Variants in LRRC7 observed in about 807,000 individuals in gnomAD.
The protein encoded by LRRC7 is leucine-rich repeat-containing protein 7.
Under a neutral mutation model 175.7 loss-of-function variants are expected in LRRC7, and 23 were observed. The ratio of observed to expected loss-of-function variants is 0.13; its 90% CI spans 0.09 to 0.19. LRRC7 has a LOEUF of 0.19. LRRC7 is among the 10% of genes least tolerant of loss of function. The pLI is 1.00. For synonymous variants in LRRC7, 685 were observed against 680.9 expected (o/e 1.01, Z -0.09); for missense variants, 1,354 against 1,904.7 (o/e 0.71, Z 5.38).
intron 7 of LRRC7, among the ~76,000 whole-genome samples, chr1:69,871,476 C>T (rs1218741368): frequency 6.6e-6 from 1 of 151,994 alleles, no homozygotes; most frequent in African/African-American, 2.4e-5. Context: ...TAATTATATT[C>T]AGTTTGTGTT....
At chr1:69,825,461 A>T (rs1034300683) in intron 4 of LRRC7, among the ~76,000 whole-genome samples, 1 of 152,252 alleles carries the variant, frequency 6.6e-6, no homozygotes, top group East Asian at 1.9e-4. Context: ...ACCAAAGATC[A>T]AAGATTTATC....
chr1:69,635,946 G>A (rs1653287952), intron 1 of LRRC7, among the ~76,000 whole-genome samples: 1 of 151,942 alleles, frequency 6.6e-6, no homozygotes, highest in Non-Finnish European at 1.5e-5. Flanking sequence ...CCTAAATCAT[G>A]CAGATATTAG....
chr1:69,983,213 A>G (rs1234042724), intron 9 of LRRC7, among the ~76,000 whole-genome samples: 3 of 152,220 alleles, frequency 2.0e-5, no homozygotes, highest in African/African-American at 7.2e-5. Flanking sequence ...TGACTCATCC[A>G]AAGTACTCTG....
chr1:69,652,185 A>T (rs1655936388), intron 1 of LRRC7, among the ~76,000 whole-genome samples: 1 of 152,194 alleles, frequency 6.6e-6, no homozygotes, highest in Non-Finnish European at 1.5e-5. Flanking sequence ...AATAAAGGGC[A>T]TACAAATAAG....
At chr1:69,776,099 T>C (rs1672777950) in intron 3 of LRRC7, among the ~76,000 whole-genome samples, 1 of 152,124 alleles carries the variant, frequency 6.6e-6, no homozygotes, top group Non-Finnish European at 1.5e-5. Flanking sequence ...TAAGTTTGAA[T>C]CCCAGCTTGG....
intron 4 of LRRC7, among the ~76,000 whole-genome samples, chr1:69,815,363 T>C (rs1513296): frequency 0.39 from 59,539 of 152,066 alleles, 13,091 homozygotes; most frequent in East Asian, 0.54. Context: ...GACAGCTTAT[T>C]TTCAGCTCAG....
At chr1:69,602,695 A>C (rs1189499633) in intron 1 of LRRC7, among the ~76,000 whole-genome samples, 2 of 152,162 alleles carry the variant, frequency 1.3e-5, no homozygotes, top group African/African-American at 4.8e-5. Context: ...TCCGAGAATC[A>C]ATCTGTTCCA....
intron 7 of LRRC7, among the ~76,000 whole-genome samples, chr1:69,923,505 C>A (rs927682160): frequency 3.9e-5 from 6 of 152,068 alleles, no homozygotes; most frequent in African/African-American, 1.4e-4. Context: ...TTAATGATTG[C>A]CATTCTAACT....
chr1:70,028,172 T>C lies in LRRC7; in HGVS notation c.1796T>C (p.Val599Ala). 6.2e-7 allele frequency: 1 copy of C among 1,611,096 alleles called. No homozygotes were observed. The highest frequency in any genetic ancestry group is 8.5e-7 in the Non-Finnish European group (1 of 1,178,156). Residue 599 changes from valine (V) to alanine (A), a missense_variant and splice_region_variant, in exon 18 of 27, where the codon GTT becomes GCT. Physicochemically the swap from Val to Ala is moderately conservative, Grantham distance 64 (BLOSUM62 0). Coordinates refer to ENST00000651989, the MANE Select transcript of LRRC7 (RefSeq NM_001370785.2). ...AAATTTCTTTTTGTAAACTTCTAGG[T>C]TGAAATAAACCTAAAACGATATCCA... ...TTLPSLSGRQ[V>A]EINLKRYPTP... is the part of the protein sequence containing the mutation.
At chr1:69,570,169 C>T (rs1245719950) in intron 1 of LRRC7, among the ~76,000 whole-genome samples, 2 of 151,904 alleles carry the variant, frequency 1.3e-5, no homozygotes, top group South Asian at 2.1e-4. Context: ...ATAGCGTGGG[C>T]GAGAAGAGTG....
rs1382709300 is a variant in LRRC7 at position 69,707,060 on chromosome 1, G to T, written c.100+28582G>T. On this transcript the variant is annotated intron_variant, in intron 2 of 26. Transcript: ENST00000651989. ...CAAGTTTTAGAGTGTGGTAGGATGT[G>T]TCTTTAAGTTGAGCAATAAGGGAAT... Among the ~76,000 whole-genome samples the T allele has an allele frequency of 4.6e-5, 7 of 152,214 alleles. No individual in the cohort carries two copies. The South Asian group carries it at 1.5e-3, about 32-fold the overall frequency.
At chr1:70,119,520 T>TTA (rs1290535338) in intron 26 of LRRC7, among the ~76,000 whole-genome samples, 21 of 146,154 alleles carry the variant, frequency 1.4e-4, no homozygotes, top group Admixed American at 6.8e-4. Context: ...AGACATTCTT[T>TTA]AAAAAAAAAA....
Position 69,944,733 on chromosome 1 carries a change from T to C in LRRC7, c.711+13163T>C, listed in dbSNP as rs780650803. Among the ~76,000 whole-genome samples the C allele has an allele frequency of 7.2e-5, 11 of 152,208 alleles. No homozygotes were observed. In the South Asian group the frequency reaches 1.7e-3, roughly 23 times the overall value. On this transcript the variant is annotated intron_variant, in intron 8 of 26. Transcript: ENST00000651989. ...ACAACTGTGAGGTGATTTCTCATTG[T>C]GGTTTTGATTTGCATTTTCCTGATT...
chr1:69,824,963 G>A (rs555329213), intron 4 of LRRC7, among the ~76,000 whole-genome samples: 11 of 152,280 alleles, frequency 7.2e-5, no homozygotes, highest in African/African-American at 2.6e-4. Flanking sequence ...TGATTGAAAT[G>A]TCCCCCACAT....
At chr1:69,938,995 T>TTTTATATATATATA (rs1553178449) in intron 8 of LRRC7, among the ~76,000 whole-genome samples, 1 of 97,582 alleles carries the variant, frequency 1.0e-5, no homozygotes, top group African/African-American at 3.9e-5. Flanking sequence ...AGGCTGTAGA[T>TTTTATATATATATA]TATATATATA....
At chr1:70,058,332 T>C (rs769844228) in intron 23 of LRRC7, among the ~76,000 whole-genome samples, 2 of 152,168 alleles carry the variant, frequency 1.3e-5, no homozygotes, top group African/African-American at 2.4e-5. Flanking sequence ...TTTTGATGTC[T>C]ATTAGTATTA....
intron 2 of LRRC7, among the ~76,000 whole-genome samples, chr1:69,704,099 A>G (rs999272971): frequency 3.3e-5 from 5 of 151,968 alleles, no homozygotes; most frequent in Non-Finnish European, 7.4e-5. Context: ...AACCACAAAT[A>G]TACACTCGGT....
At chr1:69,863,286 T>C (rs1684557846) in intron 7 of LRRC7, among the ~76,000 whole-genome samples, 1 of 152,216 alleles carries the variant, frequency 6.6e-6, no homozygotes, top group Admixed American at 6.5e-5. Context: ...AAGTAGCCAT[T>C]CCAACCCCAG....
intron 7 of LRRC7, among the ~76,000 whole-genome samples, chr1:69,895,741 G>T (rs1645961627): frequency 6.6e-6 from 1 of 152,082 alleles, no homozygotes; most frequent in African/African-American, 2.4e-5. Context: ...ATTATTCTGG[G>T]ATTGATCCAT....
Sources: allele counts gnomAD v4.1 joint callset (sites outside exome capture counted in the v4.1 genomes callset), GRCh38; gene constraint gnomAD v4.1.1; transcripts MANE v1.5; gene names NCBI Gene and HGNC (gene_info 2026-07-23, HGNC 2026-07-21).